The following CPNE4 variants were observed in gnomAD, a reference collection of about 807,000 sequenced individuals.
CPNE4 encodes copine-4.
Under a neutral mutation model 67.9 loss-of-function variants are expected in CPNE4, and 25 were observed. The ratio of observed to expected loss-of-function variants is 0.37; its 90% confidence interval spans 0.27 to 0.51. The LOEUF (loss-of-function observed/expected upper bound fraction) is 0.51. CPNE4 is among the 20% of genes least tolerant of loss of function. The probability of loss-of-function intolerance (pLI) is 0.93; values close to 1 mark genes in which losing one functional copy is unlikely to be tolerated. For missense variants in CPNE4, 464 were observed against 690.8 expected, an observed-to-expected ratio of 0.67 and a Z score of 3.68; for synonymous variants, 242 against 244.9, an observed-to-expected ratio of 0.99 and a Z score of 0.11.
At chr3:131,758,788 G>A (rs1408260618) in intron 2 of CPNE4, among the ~76,000 whole-genome samples, 1 of 152,076 alleles carries the variant, frequency 6.6e-6, no homozygotes, top group African/African-American at 2.4e-5. Flanking sequence ...TCTTTCCCAT[G>A]CTATTCTCGT....
intron 7 of CPNE4, among the ~76,000 whole-genome samples, chr3:131,646,376 A>G: frequency 6.6e-6 from 1 of 152,192 alleles, no homozygotes; most frequent in East Asian, 1.9e-4. Context: ...AAATACTCAC[A>G]TACATATAGC....
At chr3:131,746,611 T>G (rs899243615) in intron 2 of CPNE4, among the ~76,000 whole-genome samples, 1 of 152,208 alleles carries the variant, frequency 6.6e-6, no homozygotes, top group African/African-American at 2.4e-5. Context: ...ATTCATTCTT[T>G]TTATGGCTTA....
At chr3:131,972,111 TAG>T (rs1020763335) in intron 1 of CPNE4, among the ~76,000 whole-genome samples, 3 of 148,932 alleles carry the variant, frequency 2.0e-5, no homozygotes, top group East Asian at 3.9e-4. Context: ...TTCTATCCTT[TAG>T]AGAGAGAGGG....
chr3:131,708,957 G>GATATATATATATAGATAT (rs2081485044), intron 3 of CPNE4, among the ~76,000 whole-genome samples: 1 of 65,800 alleles, frequency 1.5e-5, no homozygotes, highest in Non-Finnish European at 3.2e-5. Context: ...AGGGCATAAA[G>GATATATATATATAGATAT]ATATATATAT....
intron 1 of CPNE4, among the ~76,000 whole-genome samples, chr3:132,009,515 C>T (rs1583593114): frequency 6.6e-6 from 1 of 152,262 alleles, no homozygotes; most frequent in South Asian, 2.1e-4. Context: ...CTTAATACTT[C>T]CCCAGGAAGC....
intron 1 of CPNE4, among the ~76,000 whole-genome samples, chr3:131,964,888 T>G (rs1001579361): frequency 6.6e-6 from 1 of 152,090 alleles, no homozygotes; most frequent in African/African-American, 2.4e-5. Context: ...ACTAAGATAC[T>G]CCTTGAGAAG....
intron 1 of CPNE4, among the ~76,000 whole-genome samples, chr3:132,018,266 C>T (rs935596405): frequency 6.6e-6 from 1 of 152,126 alleles, no homozygotes; most frequent in Admixed American, 6.5e-5. Context: ...CCATAAACCC[C>T]CAAAATCAGA....
At chr3:131,732,823 G>A (rs1367508576) in intron 2 of CPNE4, among the ~76,000 whole-genome samples, 1 of 152,184 alleles carries the variant, frequency 6.6e-6, no homozygotes, top group African/African-American at 2.4e-5. Flanking sequence ...TCAAGGGCAG[G>A]TGAAATTGTG....
intron 2 of CPNE4, among the ~76,000 whole-genome samples, chr3:131,734,001 G>C (rs193225049): frequency 4.6e-5 from 7 of 152,210 alleles, no homozygotes; most frequent in African/African-American, 1.7e-4. Context: ...TTCCAAGGAA[G>C]GGTGAAGTGA....
At position 131,653,836 on chromosome 3, in the gene CPNE4, A is replaced by G. The variant is rs566589408; in HGVS notation, c.681+15839T>C. 5.9e-5 allele frequency among the ~76,000 whole-genome samples: 9 copies of G among 152,332 alleles called. No homozygotes were observed. In the South Asian group the frequency reaches 1.9e-3, roughly 32 times the overall value. ...ATTTCATGGCCTTTCTATTATGTTT[A>G]TGCAACTTACACGTCAGCAGAATTT... is the stretch of plus-strand genomic sequence containing the variant. On this transcript the variant is annotated intron_variant, in intron 7 of 15. Transcript: ENST00000429747.
intron 5 of CPNE4, among the ~76,000 whole-genome samples, chr3:131,695,424 G>A (rs184289570): frequency 2.4e-4 from 28 of 117,088 alleles, no homozygotes; most frequent in East Asian, 1.4e-3. Flanking sequence ...CTCCAAGCCC[G>A]CCCCCTTTTA....
At chr3:131,932,408 G>A (rs971764961) in intron 1 of CPNE4, among the ~76,000 whole-genome samples, 21 of 152,010 alleles carry the variant, frequency 1.4e-4, no homozygotes, top group African/African-American at 4.1e-4. Context: ...GTCATGTTCC[G>A]TGCTAGGTAC....
chr3:131,546,857 A>G (rs910907549), intron 14 of CPNE4, among the ~76,000 whole-genome samples: 1 of 152,204 alleles, frequency 6.6e-6, no homozygotes, highest in African/African-American at 2.4e-5. Flanking sequence ...AAGGGAGCTA[A>G]AGAGAATGGA....
At chr3:131,700,059 T>A in intron 3 of CPNE4, 79 bp from the exon 4 acceptor site, 2 of 567,184 alleles carry the variant, frequency 3.5e-6, no homozygotes, top group Non-Finnish European at 5.4e-6. Context: ...TAAACCTTTT[T>A]TTTTTTTTTT....
chr3:132,014,445 G>T (rs1215705222), intron 1 of CPNE4, among the ~76,000 whole-genome samples: 2 of 152,302 alleles, frequency 1.3e-5, no homozygotes, highest in African/African-American at 4.8e-5. Context: ...GCCTGAGGAG[G>T]AGGAGGGAAA....
At chr3:132,037,286 C>T (rs554727764), upstream of CPNE4, among the ~76,000 whole-genome samples, 12 of 20,840 alleles carry the variant, frequency 5.8e-4, 1 homozygote, top group African/African-American at 2.0e-3. Flanking sequence ...CATGCCAGTG[C>T]GCAGAAAACG....
At chr3:131,782,193 G>C (rs535007167) in intron 2 of CPNE4, among the ~76,000 whole-genome samples, 13 of 152,100 alleles carry the variant, frequency 8.5e-5, no homozygotes, top group Admixed American at 2.6e-4. Flanking sequence ...AGCATGTAAA[G>C]AGAATAATCA....
At chr3:131,837,072 A>C (rs761477076) in intron 2 of CPNE4, among the ~76,000 whole-genome samples, 1 of 152,156 alleles carries the variant, frequency 6.6e-6, no homozygotes, top group Non-Finnish European at 1.5e-5. Context: ...CAATATTGGC[A>C]ATACCTACTG....
intron 2 of CPNE4, among the ~76,000 whole-genome samples, chr3:131,764,398 C>T (rs2082959307): frequency 6.6e-6 from 1 of 151,884 alleles, no homozygotes; most frequent in Non-Finnish European, 1.5e-5. Flanking sequence ...TTTCTTTTTG[C>T]TTATCTCTTA....
Sources: gnomAD v4.1 joint callset for allele counts (sites outside exome capture counted in the v4.1 genomes callset) on GRCh38, gnomAD v4.1.1 for gene constraint, MANE v1.5 for transcripts, NCBI Gene and HGNC (gene_info 2026-07-23, HGNC 2026-07-21) for gene names.